Variants in PCDHA12 observed in about 807,000 individuals in gnomAD.
The protein encoded by PCDHA12 is protocadherin alpha-12.
In PCDHA12, 44 loss-of-function variants were observed where a neutral mutation model predicts 60.0. That is an observed-to-expected ratio of 0.73 (90% CI 0.58 to 0.94). The LOEUF is 0.94. Ranked by LOEUF, PCDHA12 falls within the 40% of genes least tolerant of loss-of-function variation. The pLI, the probability that PCDHA12 is intolerant of heterozygous loss-of-function variation, is 0.00. For missense variants in PCDHA12, 1,276 were observed against 1,239.7 expected (o/e 1.03, Z -0.44); for synonymous variants, 569 against 553.0 (o/e 1.03, Z -0.40).
chr5:140,985,885 G>A (rs1218097274), intron 3 of PCDHA12, among the ~76,000 whole-genome samples: 4 of 151,548 alleles, frequency 2.6e-5, no homozygotes, highest in Non-Finnish European at 5.9e-5. Flanking sequence ...GACTACAGGC[G>A]CCCGCCACCA....
chr5:140,924,096 T>C (rs1044149112), intron 1 of PCDHA12, among the ~76,000 whole-genome samples: 1 of 152,222 alleles, frequency 6.6e-6, no homozygotes, highest in Non-Finnish European at 1.5e-5. Context: ...AAAGAATAAA[T>C]TTTCATTCCA....
chr5:140,878,257 T>C (rs1266553954), intron 1 of PCDHA12, among the ~76,000 whole-genome samples: 10 of 152,206 alleles, frequency 6.6e-5, no homozygotes, highest in African/African-American at 2.4e-4. Flanking sequence ...CCTCACGTGC[T>C]TAGGCTTTTA....
intron 1 of PCDHA12, among the ~76,000 whole-genome samples, chr5:140,923,034 C>T (rs1252133915): frequency 6.6e-6 from 1 of 152,174 alleles, no homozygotes; most frequent in Non-Finnish European, 1.5e-5. Context: ...TCTATTACTA[C>T]ATGTATAGTA....
At chr5:140,984,433 T>C (rs2097103477) in intron 3 of PCDHA12, among the ~76,000 whole-genome samples, 1 of 152,182 alleles carries the variant, frequency 6.6e-6, no homozygotes, top group East Asian at 1.9e-4. Flanking sequence ...GAAGGGGATC[T>C]CCCTTGTTCC....
At chr5:140,951,487 G>A (rs1563250651) in intron 1 of PCDHA12, among the ~76,000 whole-genome samples, 1 of 151,938 alleles carries the variant, frequency 6.6e-6, no homozygotes, top group Non-Finnish European at 1.5e-5. Flanking sequence ...CAAGAATCAT[G>A]GTGGAAGGCA....
At chr5:140,926,537 T>C (rs1584447910) in intron 1 of PCDHA12, 2 of 211,572 alleles carry the variant, frequency 9.5e-6, no homozygotes, top group African/African-American at 2.3e-5. Flanking sequence ...GCAGCCAGCG[T>C]GGTGGTCGAG....
At chr5:140,961,205 T>C (rs1215243152) in intron 1 of PCDHA12, among the ~76,000 whole-genome samples, 2 of 152,172 alleles carry the variant, frequency 1.3e-5, no homozygotes, top group Non-Finnish European at 2.9e-5. Context: ...GAGGTTGGTA[T>C]TGATGAAGAA....
At chr5:140,925,671 A>AATAATAATG (rs1445697337) in intron 1 of PCDHA12, among the ~76,000 whole-genome samples, 20 of 148,150 alleles carry the variant, frequency 1.3e-4, no homozygotes, top group African/African-American at 5.0e-4. Context: ...TAATAATAAT[A>AATAATAATG]ATAATAAAGC....
intron 1 of PCDHA12, among the ~76,000 whole-genome samples, chr5:140,936,094 T>C (rs2090766117): frequency 6.6e-6 from 1 of 152,116 alleles, no homozygotes; most frequent in South Asian, 2.1e-4. Flanking sequence ...GGTTTCACCA[T>C]GTTGGCCAGG....
chr5:140,906,303 A>G (rs1195275228), intron 1 of PCDHA12, among the ~76,000 whole-genome samples: 5 of 152,220 alleles, frequency 3.3e-5, no homozygotes, highest in Non-Finnish European at 7.3e-5. Flanking sequence ...ATAAGGTCAT[A>G]ATTATTCCCA....
intron 1 of PCDHA12, chr5:140,929,169 T>C: frequency 6.2e-7 from 1 of 1,614,188 alleles, no homozygotes; most frequent in Non-Finnish European, 8.5e-7. Flanking sequence ...ATCGGGCCTC[T>C]CTGGGACTTG....
chr5:140,930,768 C>G (rs1049798577), intron 1 of PCDHA12, among the ~76,000 whole-genome samples: 2 of 152,094 alleles, frequency 1.3e-5, no homozygotes, highest in South Asian at 2.1e-4. Context: ...ATTTTCTGTA[C>G]TTAATATTTT....
At chr5:140,956,754 C>T (rs1470553559) in intron 1 of PCDHA12, among the ~76,000 whole-genome samples, 5 of 152,140 alleles carry the variant, frequency 3.3e-5, no homozygotes, top group African/African-American at 1.2e-4. Flanking sequence ...TGATAGAATT[C>T]AGCTGTAAAT....
At chr5:140,902,953 C>T (rs549407032) in intron 1 of PCDHA12, among the ~76,000 whole-genome samples, 24 of 152,278 alleles carry the variant, frequency 1.6e-4, no homozygotes, top group East Asian at 1.3e-3. Flanking sequence ...TCTTTATCCA[C>T]TTGTTGGCTG....
chr5:140,877,268 C>T lies in PCDHA12; in HGVS notation c.1796C>T (p.Ala599Val). The change falls in exon 1 of 4, where the codon GCT becomes GTT. Residue 599 changes from alanine (A) to valine (V), a missense_variant. By Grantham distance (64) the Ala-to-Val change is moderately conservative (BLOSUM62 0). Transcript: ENST00000398631. ...HVVAKVRAVD[A>V]DSGYNAWLSY... Reference sequence around the variant, plus strand: ...GTGGCGAAAGTGCGCGCGGTGGACGCTGACTCCGGCTATAACGCTTGGCTG... The same window carrying T: ...GTGGCGAAAGTGCGCGCGGTGGACGTTGACTCCGGCTATAACGCTTGGCTG... The T allele has an allele frequency of 6.2e-7, 1 of 1,613,828 alleles. No individual in the cohort carries two copies. Among genetic ancestry groups the T allele is most frequent in the South Asian group, 1.1e-5 (1 of 91,062 alleles).
chr5:140,905,809 A>C (rs1349964349), intron 1 of PCDHA12, among the ~76,000 whole-genome samples: 1 of 152,184 alleles, frequency 6.6e-6, no homozygotes, highest in East Asian at 1.9e-4. Context: ...GGACAGAATT[A>C]ATAGGCTAGA....
intron 1 of PCDHA12, among the ~76,000 whole-genome samples, chr5:140,909,595 A>G (rs1336934015): frequency 6.6e-6 from 1 of 151,976 alleles, no homozygotes; most frequent in Non-Finnish European, 1.5e-5. Context: ...TTGATTTACT[A>G]TTTTTCTAGG....
At chr5:140,943,237 C>T (rs1364015851) in intron 1 of PCDHA12, among the ~76,000 whole-genome samples, 1 of 121,190 alleles carries the variant, frequency 8.3e-6, no homozygotes, top group African/African-American at 3.3e-5. Flanking sequence ...CAGCCTGGGT[C>T]ACAGAGTGAG....
chr5:140,925,570 A>G (rs531387558), intron 1 of PCDHA12, among the ~76,000 whole-genome samples: 1 of 152,008 alleles, frequency 6.6e-6, no homozygotes, highest in African/African-American at 2.4e-5. Flanking sequence ...TGGGTGCAGC[A>G]CACCAACATG....
Sources: gnomAD v4.1 joint callset for allele counts (sites outside exome capture counted in the v4.1 genomes callset) on GRCh38, gnomAD v4.1.1 for gene constraint, MANE v1.5 for transcripts, NCBI Gene and HGNC (gene_info 2026-07-23, HGNC 2026-07-21) for gene names.